Variants in MTMR3 observed in about 807,000 individuals in gnomAD.
MTMR3 encodes the protein myotubularin related protein 3.
Under a neutral mutation model 132.4 loss-of-function variants are expected in MTMR3, and 32 were observed. That is an observed-to-expected ratio of 0.24 (90% CI 0.18 to 0.32). The LOEUF is 0.32. Ranked by LOEUF, MTMR3 falls within the 10% of genes least tolerant of loss-of-function variation. MTMR3 has a pLI of 1.00. For missense variants in MTMR3, 1,216 were observed against 1,489.6 expected (o/e 0.82, Z 3.02); for synonymous variants, 556 against 550.3 (o/e 1.01, Z -0.14).
In MTMR3 at chr22:30,003,060, T is replaced by TCTG. The variant is rs1451931657; in HGVS notation, c.671+76_671+78dup. On this transcript the variant is annotated intron_variant, in intron 9 of 19. Transcript: ENST00000401950. ...TGCCTGCTGCATATGGTCTGCTGCC[T>TCTG]CTGCTGCTGCTAACCTGGGAAGGGT... The TCTG allele has an allele frequency of 1.9e-5, 24 of 1,247,182 alleles. No individual in the cohort carries two copies. In the East Asian group the frequency reaches 4.9e-4, roughly 25 times the overall value. The allele number at this position is 1,247,182 out of a possible 1,614,324, so 77.3% of individuals were successfully genotyped here. A position where few individuals can be genotyped will look rare whatever the true frequency, so the allele number is the denominator to read the frequency against.
At position 29,940,199 on chromosome 22, in the gene MTMR3, C is replaced by T. The variant is rs547201334; in HGVS notation, c.-137-16837C>T. On this transcript the variant is annotated intron_variant, in intron 1 of 19. Coordinates refer to ENST00000401950, the MANE Select transcript of MTMR3 (RefSeq NM_021090.4). ...AGGAGAATGGCGTGAACCCGGGAGG[C>T]GGAACTTGCAGTGAGCCGAGATTGT... Among the ~76,000 whole-genome samples the T allele has an allele frequency of 4.5e-3, 689 of 152,172 alleles. 6 individuals carry two copies. The highest frequency in any genetic ancestry group is 0.016 in the African/African-American group (645 of 41,536).
At position 29,970,960 on chromosome 22, in the gene MTMR3, T is replaced by TAC; in HGVS notation, c.-84-16_-84-15insAC. The TAC allele has an allele frequency of 1.9e-6, 1 of 529,954 alleles. No individual in the cohort carries two copies. Among genetic ancestry groups the TAC allele is most frequent in the Non-Finnish European group, 3.0e-6 (1 of 336,556 alleles). The allele number at this position is 529,954 out of a possible 1,614,324, so 32.8% of individuals were successfully genotyped here. A position where few individuals can be genotyped will look rare whatever the true frequency, so the allele number is the denominator to read the frequency against. ...CTTTTTTTTTTCTTCTTCCCCCTCT[T>TAC]CCCCCCCACCCCCAGACTTCACCAT... On this transcript the variant is annotated splice_polypyrimidine_tract_variant and intron_variant, in intron 2 of 19. Coordinates refer to ENST00000401950, the MANE Select transcript of MTMR3 (RefSeq NM_021090.4).
chr22:29,970,024 T>C (rs1002109771), intron 2 of MTMR3, among the ~76,000 whole-genome samples: 3 of 152,180 alleles, frequency 2.0e-5, no homozygotes, highest in Admixed American at 6.5e-5. Flanking sequence ...AAACTAGAAA[T>C]GTTGGTTTTG....
chr22:30,018,545 C>G (rs894562600), intron 16 of MTMR3: 1 of 154,520 alleles, frequency 6.5e-6, no homozygotes, highest in African/African-American at 2.4e-5. Flanking sequence ...AGTTCCAGAC[C>G]AGCCTGGGCA....
intron 19 of MTMR3, chr22:30,023,455 A>G (rs1288410086): frequency 6.2e-7 from 1 of 1,614,182 alleles, no homozygotes; most frequent in South Asian, 1.1e-5. Context: ...CCCTCCTTGC[A>G]GGGACACTGA....
chr22:30,017,813 TC>T, intron 15 of MTMR3, 113 bp from the exon 16 acceptor site: 4 of 1,321,588 alleles, frequency 3.0e-6, no homozygotes, highest in Non-Finnish European at 4.3e-6. Context: ...TTTGTGGAGA[TC>T]CTGTCAGCCC....
intron 9 of MTMR3, chr22:30,006,888 A>G (rs1424566992): frequency 5.9e-6 from 3 of 509,882 alleles, no homozygotes; most frequent in African/African-American, 1.9e-5. Context: ...GGGTAACTTT[A>G]CAGGGATCTC....
At chr22:29,967,207 G>GTGTGTT (rs1319059502) in intron 2 of MTMR3, among the ~76,000 whole-genome samples, 1 of 111,980 alleles carries the variant, frequency 8.9e-6, no homozygotes, top group African/African-American at 3.9e-5. Flanking sequence ...GTGTGTGTGT[G>GTGTGTT]TGTGTGTGTG....
rs544326580 is a variant in MTMR3 at position 29,885,752 on chromosome 22, C to T, written c.-138+2393C>T. On this transcript the variant is annotated intron_variant, in intron 1 of 19. Coordinates refer to ENST00000401950, the MANE Select transcript of MTMR3 (RefSeq NM_021090.4). ...ATTGTGAAAAGTTCTTGAGATTTGCCGCAGGCCATGAGGAGTGGTAAAGTC... is the reference window on the plus strand; with the variant it reads ...ATTGTGAAAAGTTCTTGAGATTTGCTGCAGGCCATGAGGAGTGGTAAAGTC... Among the ~76,000 whole-genome samples the T allele has an allele frequency of 2.5e-4, 38 of 152,188 alleles. 1 individual carries two copies. Among genetic ancestry groups the T allele is most frequent in the Non-Finnish European group, 2.9e-5 (2 of 68,014 alleles).
In MTMR3 at chr22:30,008,037, G is replaced by A; in HGVS notation, c.1009+5G>A. 6.2e-7 allele frequency: 1 copy of A among 1,612,248 alleles called. No homozygotes were observed. Among genetic ancestry groups the A allele is most frequent in the Non-Finnish European group, 8.5e-7 (1 of 1,179,800 alleles). On this transcript the variant is annotated splice_donor_5th_base_variant and intron_variant, in intron 11 of 19. Coordinates refer to ENST00000401950, the MANE Select transcript of MTMR3 (RefSeq NM_021090.4). ...GAGGAGGCTGCGAATGCCCAGGTGA[G>A]GTGTATGGTGCTTTGTTCCCCATAC...
In MTMR3 at chr22:29,998,819, C is replaced by A. The variant is rs1422000540; in HGVS notation, c.519C>A (p.Asn173Lys). ...TGGAGAGGATGGGTTTTGATATGAA[C>A]AACGCCTGGAGGATTTCCAACATCA... ...NEVERMGFDM[N>K]NAWRISNINE... Residue 173 changes from asparagine to lysine, a missense_variant, in exon 8 of 20, where the codon AAC (asparagine) becomes AAA (lysine). This residue lies in a region of MTMR3 where 129 missense variants were observed against 245.7 expected (regional missense o/e 0.53). Transcript: ENST00000401950. 6.2e-7 allele frequency: 1 copy of A among 1,612,000 alleles called. No homozygotes were observed. The highest frequency in any genetic ancestry group is 1.1e-5 in the South Asian group (1 of 90,810).
intron 1 of MTMR3, among the ~76,000 whole-genome samples, chr22:29,900,017 G>C (rs1473032777): frequency 6.6e-6 from 1 of 152,114 alleles, no homozygotes; most frequent in Non-Finnish European, 1.5e-5. Flanking sequence ...CTTCATATGT[G>C]AATACACTTA....
intron 1 of MTMR3, among the ~76,000 whole-genome samples, chr22:29,919,988 G>A (rs1359472167): frequency 6.6e-6 from 1 of 152,060 alleles, no homozygotes; most frequent in African/African-American, 2.4e-5. Flanking sequence ...GGCTGAGGCG[G>A]GCAGATCATG....
intron 1 of MTMR3, among the ~76,000 whole-genome samples, chr22:29,898,669 T>C (rs1434403224): frequency 6.6e-6 from 1 of 152,212 alleles, no homozygotes; most frequent in Non-Finnish European, 1.5e-5. Flanking sequence ...CCCAAAGTGC[T>C]GGTATTATAG....
intron 12 of MTMR3, 69 bp downstream of exon 12, chr22:30,009,198 T>C (rs1430047809): frequency 3.6e-6 from 4 of 1,126,480 alleles, no homozygotes; most frequent in Non-Finnish European, 5.3e-6. Flanking sequence ...TTCCTTGAAC[T>C]AAGGGGGAAA....
chr22:29,986,517 T>C (rs2066861474), intron 5 of MTMR3: 3 of 928,318 alleles, frequency 3.2e-6, no homozygotes, highest in Middle Eastern at 5.4e-4. Context: ...TTTTTTTCCT[T>C]CTTAGATGCA....
chr22:29,927,887 A>G (rs1273072041), intron 1 of MTMR3, among the ~76,000 whole-genome samples: 1 of 151,302 alleles, frequency 6.6e-6, no homozygotes, highest in East Asian at 1.9e-4. Flanking sequence ...CACAATCATG[A>G]CTACATATCC....
intron 8 of MTMR3, chr22:30,000,839 T>A (rs1424497396): frequency 6.6e-6 from 1 of 152,176 alleles, no homozygotes; most frequent in Non-Finnish European, 1.5e-5. Flanking sequence ...TGGAAATTGT[T>A]TATCCACAAG....
At chr22:29,981,388 C>T (rs1421649630) in intron 5 of MTMR3, 1 of 152,170 alleles carries the variant, frequency 6.6e-6, no homozygotes, top group Non-Finnish European at 1.5e-5. Flanking sequence ...AGGTTGTTGA[C>T]TGGAATTGTT....
Sources: allele counts gnomAD v4.1 joint callset (sites outside exome capture counted in the v4.1 genomes callset), GRCh38; gene constraint gnomAD v4.1.1; regional missense constraint gnomAD v4.1.1; transcripts MANE v1.5; gene names NCBI Gene and HGNC (gene_info 2026-07-23, HGNC 2026-07-21).